The following CACNB4 variants were observed in gnomAD, a reference collection of about 807,000 sequenced individuals.
The protein encoded by CACNB4 is voltage-dependent L-type calcium channel subunit beta-4.
CACNB4 carries 32 observed loss-of-function variants against 71.2 expected under a neutral mutation model. The ratio of observed to expected loss-of-function variants is 0.45; its 90% confidence interval spans 0.34 to 0.60. The LOEUF is 0.60. Among genes scored for constraint, CACNB4 ranks in the 20% least tolerant of loss-of-function variants. The pLI is 0.01. For missense variants in CACNB4, 464 were observed against 647.9 expected, an observed-to-expected ratio of 0.72 and a Z score of 3.08; for synonymous variants, 231 against 236.9, an observed-to-expected ratio of 0.97 and a Z score of 0.23.
At chr2:151,898,529 C>T (rs186149256) in intron 2 of CACNB4, among the ~76,000 whole-genome samples, 90 of 152,312 alleles carry the variant, frequency 5.9e-4, no homozygotes, top group African/African-American at 2.1e-3. Context: ...CTCCCAAAAG[C>T]TGAATATGAG....
chr2:152,098,799 G>C lies in CACNB4; in HGVS notation c.63+150C>G. The C allele has an allele frequency of 1.0e-6, 1 of 991,228 alleles. No homozygotes were observed. Among genetic ancestry groups the C allele is most frequent in the Non-Finnish European group, 1.5e-6 (1 of 670,194 alleles). The allele number at this position is 991,228 out of a possible 1,614,324, so 61.4% of individuals were successfully genotyped here. A position where few individuals can be genotyped will look rare whatever the true frequency, so the allele number is the denominator to read the frequency against. ...AAGAGGAGGAGCGGGAGGAGAAAGGGACGTGGAGGAGGGGTGGGGGGAGCG... is the reference window on the plus strand; with the variant it reads ...AAGAGGAGGAGCGGGAGGAGAAAGGCACGTGGAGGAGGGGTGGGGGGAGCG... On this transcript the variant is annotated intron_variant, in intron 1 of 13. Transcript: ENST00000539935. This position sits in a 1 kb window ranked among gnomAD's most constrained non-coding sequence, Gnocchi z 5.3.
chr2:151,972,960 A>T (rs1293865639), intron 2 of CACNB4: 1 of 152,224 alleles, frequency 6.6e-6, no homozygotes, highest in Non-Finnish European at 1.5e-5. Context: ...TATATTTAAA[A>T]GCTAGCACTC....
At chr2:152,030,977 G>A (rs2105188058) in intron 2 of CACNB4, among the ~76,000 whole-genome samples, 1 of 152,322 alleles carries the variant, frequency 6.6e-6, no homozygotes, top group East Asian at 1.9e-4. Flanking sequence ...GCCCTGGGCA[G>A]AAAACACAGC....
intron 6 of CACNB4, chr2:151,872,214 T>C (rs1401347521): frequency 3.8e-6 from 2 of 528,302 alleles, no homozygotes; most frequent in Non-Finnish European, 6.7e-6. Context: ...TTCAAAATTA[T>C]ATTCTAATGA....
intron 2 of CACNB4, among the ~76,000 whole-genome samples, chr2:151,974,767 A>G (rs1467379986): frequency 6.7e-6 from 1 of 150,364 alleles, no homozygotes; most frequent in Non-Finnish European, 1.5e-5. Context: ...CCCACATTGC[A>G]GCAGCCTGGG....
intron 2 of CACNB4, among the ~76,000 whole-genome samples, chr2:152,084,885 A>G (rs571870527): frequency 5.3e-5 from 8 of 151,918 alleles, no homozygotes; most frequent in African/African-American, 9.7e-5. Context: ...TCAGCTTCCC[A>G]AAGTGCTGGG....
chr2:151,887,848 A>G (rs778519626), intron 2 of CACNB4, among the ~76,000 whole-genome samples: 4 of 152,190 alleles, frequency 2.6e-5, no homozygotes, highest in Non-Finnish European at 4.4e-5. Context: ...AATTCGGAAA[A>G]TACCAGCAAT....
intron 2 of CACNB4, among the ~76,000 whole-genome samples, chr2:152,008,618 G>C (rs1460570287): frequency 1.3e-5 from 2 of 152,082 alleles, no homozygotes; most frequent in Non-Finnish European, 2.9e-5. Flanking sequence ...TTATTTTTCT[G>C]ATAGAACCAC....
intron 2 of CACNB4, among the ~76,000 whole-genome samples, chr2:152,055,376 A>T (rs570897732): frequency 2.3e-4 from 35 of 152,304 alleles, no homozygotes; most frequent in African/African-American, 7.7e-4. Flanking sequence ...TGAGCTCCAA[A>T]TTATTCATTT....
At chr2:152,035,659 A>C (rs1381652261) in intron 2 of CACNB4, among the ~76,000 whole-genome samples, 21 of 89,514 alleles carry the variant, frequency 2.3e-4, no homozygotes, top group African/African-American at 4.3e-4. Context: ...CTCTATATAT[A>C]TATATATATG....
intron 2 of CACNB4, among the ~76,000 whole-genome samples, chr2:151,982,635 A>T (rs1048847327): frequency 1.9e-4 from 28 of 150,510 alleles, no homozygotes; most frequent in African/African-American, 6.8e-4. Context: ...TCCGTCTCAA[A>T]AAAAAAAAAA....
At chr2:152,009,712 G>A (rs977845992) in intron 2 of CACNB4, among the ~76,000 whole-genome samples, 3 of 152,196 alleles carry the variant, frequency 2.0e-5, no homozygotes, top group Non-Finnish European at 4.4e-5. Flanking sequence ...GGTGCCTCCA[G>A]GACCCTATGG....
At position 151,993,151 on chromosome 2, in the gene CACNB4, GTTT is replaced by G. The variant is rs34066188; in HGVS notation, c.147+105176_147+105178del. Among the ~76,000 whole-genome samples the G allele has an allele frequency of 2.8e-5, 4 of 145,132 alleles. No individual in the cohort carries two copies. The East Asian group carries it at 7.9e-4, about 29-fold the overall frequency. On this transcript the variant is annotated intron_variant, in intron 2 of 13. Transcript: ENST00000539935. ...TCAGAGACAGTAAGCCACGTTTTTT[GTTT>G]TTTTTTTTTTTAAACATCTTTTTTA...
At chr2:152,063,633 C>T (rs1676021181) in intron 2 of CACNB4, among the ~76,000 whole-genome samples, 1 of 152,202 alleles carries the variant, frequency 6.6e-6, no homozygotes, top group African/African-American at 2.4e-5. Context: ...TTCAAGAAGC[C>T]TGTGTTAATA....
intron 2 of CACNB4, among the ~76,000 whole-genome samples, chr2:151,947,137 G>T (rs2099865791): frequency 6.6e-6 from 1 of 152,198 alleles, no homozygotes; most frequent in African/African-American, 2.4e-5. Context: ...TCCCCAGAAG[G>T]AGAGCCCTCC....
At chr2:152,056,913 C>A (rs578210114) in intron 2 of CACNB4, among the ~76,000 whole-genome samples, 1 of 152,234 alleles carries the variant, frequency 6.6e-6, no homozygotes, top group South Asian at 2.1e-4. Flanking sequence ...TAGACCTCAA[C>A]TCCTTATGCT....
chr2:151,991,914 C>T (rs1187616903), intron 2 of CACNB4, among the ~76,000 whole-genome samples: 1 of 152,102 alleles, frequency 6.6e-6, no homozygotes, highest in African/African-American at 2.4e-5. Flanking sequence ...AAGAGCGAAT[C>T]CAGGAAGGAG....
intron 2 of CACNB4, among the ~76,000 whole-genome samples, chr2:151,926,695 A>G (rs2099860339): frequency 6.6e-6 from 1 of 152,266 alleles, no homozygotes; most frequent in Admixed American, 6.5e-5. Flanking sequence ...ATATTACATT[A>G]TAGTTGTTAC....
chr2:151,911,108 C>A (rs2099856063), intron 2 of CACNB4, among the ~76,000 whole-genome samples: 1 of 152,070 alleles, frequency 6.6e-6, no homozygotes, highest in South Asian at 2.1e-4. Context: ...TGCTTGCCTG[C>A]TGTTGGTGTA....
Sources: gnomAD v4.1 joint callset for allele counts (sites outside exome capture counted in the v4.1 genomes callset) on GRCh38, gnomAD v4.1.1 for gene constraint, Gnocchi (gnomAD v3.1) non-coding constraint, MANE v1.5 for transcripts, NCBI Gene and HGNC (gene_info 2026-07-23, HGNC 2026-07-21) for gene names.